The following QTMAN variants were observed in gnomAD, a reference collection of about 807,000 sequenced individuals.
The protein encoded by QTMAN is tRNA-queuosine alpha-mannosyltransferase.
the QTMAN span, among the ~76,000 whole-genome samples, chr2:144,328,906 T>A: frequency 6.6e-6 from 1 of 152,108 alleles, no homozygotes; most frequent in African/African-American, 2.4e-5. Flanking sequence ...ATTCAAAGAA[T>A]GGAGTGTTGG....
the QTMAN span, chr2:144,145,996 A>G: frequency 4.9e-6 from 1 of 205,786 alleles, no homozygotes; most frequent in Non-Finnish European, 9.2e-6. Context: ...AAAAAAAAAA[A>G]AAAAAAAAAA....
chr2:144,284,819 G>A, the QTMAN span, among the ~76,000 whole-genome samples: 1 of 152,006 alleles, frequency 6.6e-6, no homozygotes, highest in African/African-American at 2.4e-5. Flanking sequence ...GACTGCTTGA[G>A]CCCAGGAGTT....
the QTMAN span, among the ~76,000 whole-genome samples, chr2:144,258,690 A>T: frequency 1.3e-5 from 2 of 152,236 alleles, no homozygotes; most frequent in African/African-American, 4.8e-5. Flanking sequence ...GGACAGACAT[A>T]TAAGTATATA....
the QTMAN span, among the ~76,000 whole-genome samples, chr2:144,199,723 G>A: frequency 6.6e-6 from 1 of 152,170 alleles, no homozygotes; most frequent in Non-Finnish European, 1.5e-5. Context: ...AGCAGTGAAT[G>A]AGCTGACAAA....
At chr2:144,211,030 T>C in the QTMAN span, 1 of 152,166 alleles carries the variant, frequency 6.6e-6, no homozygotes, top group Admixed American at 6.5e-5. Context: ...GAAAGCAATA[T>C]AAATATTGGA....
the QTMAN span, among the ~76,000 whole-genome samples, chr2:144,265,416 G>A: frequency 4.0e-3 from 604 of 152,202 alleles, 5 homozygotes; most frequent in African/African-American, 0.014. Context: ...GAATACCCTC[G>A]GTCAGGCGCG....
chr2:144,154,771 T>A, the QTMAN span, among the ~76,000 whole-genome samples: 1 of 152,208 alleles, frequency 6.6e-6, no homozygotes, highest in African/African-American at 2.4e-5. Context: ...ATAAATTAGA[T>A]CTGCTGTTCT....
chr2:144,308,602 A>C, the QTMAN span, among the ~76,000 whole-genome samples: 1 of 152,230 alleles, frequency 6.6e-6, no homozygotes, highest in African/African-American at 2.4e-5. Context: ...ACCTAATGTA[A>C]AAGCCAAAAC....
chr2:144,182,901 T>TTA, the QTMAN span, among the ~76,000 whole-genome samples: 32 of 95,822 alleles, frequency 3.3e-4, no homozygotes, highest in South Asian at 3.2e-3. Context: ...TATATATATA[T>TTA]TATATATATA....
the QTMAN span, among the ~76,000 whole-genome samples, chr2:144,133,145 ATATATAATAT>A: frequency 0.013 from 663 of 50,798 alleles, 20 homozygotes; most frequent in East Asian, 0.067. Context: ...ATATATATAT[ATATATAATAT>A]AATATAATAT....
the QTMAN span, among the ~76,000 whole-genome samples, chr2:144,070,160 A>T: frequency 2.0e-5 from 3 of 152,256 alleles, no homozygotes; most frequent in East Asian, 5.8e-4. Flanking sequence ...AAGAACAAAG[A>T]TCCTAATAAA....
chr2:144,253,122 T>C, the QTMAN span, among the ~76,000 whole-genome samples: 2 of 152,148 alleles, frequency 1.3e-5, no homozygotes, highest in African/African-American at 4.8e-5. Context: ...CTAATGGTTT[T>C]ATAAGGAGCT....
chr2:144,100,148 C>T, the QTMAN span, among the ~76,000 whole-genome samples: 1 of 152,218 alleles, frequency 6.6e-6, no homozygotes, highest in Non-Finnish European at 1.5e-5. Context: ...TAATAACTGG[C>T]AATCACCTTG....
At chr2:143,989,552 C>T in the QTMAN span, among the ~76,000 whole-genome samples, 9 of 152,076 alleles carry the variant, frequency 5.9e-5, no homozygotes, top group Admixed American at 5.2e-4. Context: ...GGAGGAGGGA[C>T]GGCATTGCAG....
At chr2:144,225,801 C>A in the QTMAN span, among the ~76,000 whole-genome samples, 1 of 152,184 alleles carries the variant, frequency 6.6e-6, no homozygotes, top group Non-Finnish European at 1.5e-5. Flanking sequence ...CTAAATTTTG[C>A]TTTTACCCCA....
chr2:144,291,159 A>C, the QTMAN span, among the ~76,000 whole-genome samples: 3 of 152,212 alleles, frequency 2.0e-5, no homozygotes, highest in Non-Finnish European at 4.4e-5. Context: ...CACCAGTCAT[A>C]TTAGATTAGG....
At chr2:144,307,187 T>TTAAAAAAAAAAAAAAAAAAAAAAAAA in the QTMAN span, among the ~76,000 whole-genome samples, 1 of 78,838 alleles carries the variant, frequency 1.3e-5, no homozygotes, top group African/African-American at 4.9e-5. Flanking sequence ...AAAAAAACAA[T>TTAAAAAAAAAAAAAAAAAAAAAAAAA]TAAAAAAAAA....
chr2:144,161,111 C>T, the QTMAN span, among the ~76,000 whole-genome samples: 3 of 152,044 alleles, frequency 2.0e-5, no homozygotes, highest in African/African-American at 4.8e-5. Flanking sequence ...ATACTGAAAT[C>T]GAGTACCAGC....
chr2:144,020,841 G>A, the QTMAN span, among the ~76,000 whole-genome samples: 1 of 151,360 alleles, frequency 6.6e-6, no homozygotes, highest in Non-Finnish European at 1.5e-5. Context: ...TGGCAGAAAA[G>A]ACAAATGCAG....
Sources: gnomAD v4.1 joint callset for allele counts (sites outside exome capture counted in the v4.1 genomes callset) on GRCh38, gnomAD v4.1.1 for gene constraint, MANE v1.5 for transcripts, NCBI Gene and HGNC (gene_info 2026-07-23, HGNC 2026-07-21) for gene names.